LRP1B: variants seen among roughly 807,000 people sequenced by gnomAD.
LRP1B encodes the protein low-density lipoprotein receptor-related protein 1B.
Under a neutral mutation model 556.6 loss-of-function variants are expected in LRP1B, and 217 were observed. The observed-to-expected ratio is 0.39, with a 90% confidence interval of 0.35 to 0.44. LRP1B has a LOEUF of 0.44. Among genes scored for constraint, LRP1B ranks in the 20% least tolerant of loss-of-function variants. The pLI, the probability that LRP1B is intolerant of heterozygous loss-of-function variation, is 1.00. For synonymous variants in LRP1B, 2,047 were observed against 1,865.8 expected (o/e 1.10, Z -2.50); for missense variants, 5,053 against 5,620.8 (o/e 0.90, Z 3.23).
intron 3 of LRP1B, among the ~76,000 whole-genome samples, chr2:141,334,981 T>G (rs1487583034): frequency 6.6e-6 from 1 of 152,234 alleles, no homozygotes; most frequent in Non-Finnish European, 1.5e-5. Flanking sequence ...CTATCATATC[T>G]TATACTTTTT....
intron 59 of LRP1B, among the ~76,000 whole-genome samples, chr2:140,483,640 ATT>A (rs1178469364): frequency 0.086 from 6,028 of 70,072 alleles, 198 homozygotes; most frequent in East Asian, 0.24. Context: ...ATATATATAT[ATT>A]TTTTTTTTTT....
intron 3 of LRP1B, among the ~76,000 whole-genome samples, chr2:141,303,056 G>A (rs1451828104): frequency 1.3e-5 from 2 of 151,960 alleles, no homozygotes; most frequent in Non-Finnish European, 2.9e-5. Context: ...GCTTTAACAT[G>A]TTCCATATTC....
Position 140,297,885 on chromosome 2 carries a change from C to G in LRP1B, c.12890G>C (p.Gly4297Ala), listed in dbSNP as rs2105000849. The G allele has an allele frequency of 6.2e-7, 1 of 1,614,006 alleles. No individual in the cohort carries two copies. The highest frequency in any genetic ancestry group is 8.5e-7 in the Non-Finnish European group (1 of 1,179,932). ...GTTTCCAGCAGTCACAATGCAGGTT[C>G]CTCCATTTTGACAAAAATCCTCACA... The part of the protein sequence containing the change: ...TVCEDFCQNG[G>A]TCIVTAGNQP... The change falls in exon 84 of 91, where the codon GGA becomes GCA. Residue 4297 changes from glycine (G) to alanine (A), a missense_variant. Transcript: ENST00000389484.
intron 6 of LRP1B, among the ~76,000 whole-genome samples, chr2:141,226,836 A>C (rs1193006244): frequency 6.6e-6 from 1 of 152,212 alleles, no homozygotes; most frequent in African/African-American, 2.4e-5. Context: ...AGAGAAGCCC[A>C]GCCCTGCTCA....
chr2:140,562,126 A>C (rs1186504914), intron 43 of LRP1B, among the ~76,000 whole-genome samples: 1 of 152,112 alleles, frequency 6.6e-6, no homozygotes, highest in Non-Finnish European at 1.5e-5. Flanking sequence ...AGCTAACACA[A>C]TACCTAGTGG....
chr2:141,445,528 T>C (rs1402689421), intron 3 of LRP1B, among the ~76,000 whole-genome samples: 1 of 152,224 alleles, frequency 6.6e-6, no homozygotes, highest in Admixed American at 6.5e-5. Flanking sequence ...GTGTCAATTT[T>C]AGATCTTTCC....
At chr2:141,573,265 T>G in intron 2 of LRP1B, among the ~76,000 whole-genome samples, 1 of 152,132 alleles carries the variant, frequency 6.6e-6, no homozygotes, top group East Asian at 1.9e-4. Flanking sequence ...CAGTGCAATC[T>G]AATTCAAATT....
intron 84 of LRP1B, among the ~76,000 whole-genome samples, chr2:140,280,597 G>C (rs1479987992): frequency 1.3e-5 from 2 of 151,702 alleles, no homozygotes; most frequent in Admixed American, 1.3e-4. Context: ...TGCATGATGG[G>C]ACACTAGCTC....
chr2:141,290,459 C>G (rs914859768), intron 3 of LRP1B, among the ~76,000 whole-genome samples: 9 of 152,004 alleles, frequency 5.9e-5, no homozygotes, highest in Non-Finnish European at 8.8e-5. Flanking sequence ...TGTTCCCTGA[C>G]TTTATTCAAT....
At chr2:140,271,997 T>C (rs1413149867) in intron 85 of LRP1B, among the ~76,000 whole-genome samples, 1 of 151,934 alleles carries the variant, frequency 6.6e-6, no homozygotes, top group Non-Finnish European at 1.5e-5. Flanking sequence ...GATAACTGTT[T>C]ATCAAATCTC....
intron 7 of LRP1B, among the ~76,000 whole-genome samples, chr2:141,157,274 C>G (rs964631686): frequency 6.6e-5 from 10 of 152,022 alleles, no homozygotes; most frequent in African/African-American, 2.2e-4. Context: ...AACATATGAA[C>G]AGGTTTTTCT....
intron 2 of LRP1B, among the ~76,000 whole-genome samples, chr2:141,686,610 G>GA (rs1475640541): frequency 6.6e-6 from 1 of 151,890 alleles, no homozygotes; most frequent in African/African-American, 2.4e-5. Context: ...AATCTGGAGG[G>GA]AAAAGAACTT....
rs560021054 is a variant in LRP1B at position 140,989,822 on chromosome 2, CTT to C, written c.2645-167_2645-166del. Among the ~76,000 whole-genome samples the C allele has an allele frequency of 2.6e-5, 4 of 152,208 alleles. No homozygotes were observed. In the South Asian group the frequency reaches 8.3e-4, roughly 32 times the overall value. On this transcript the variant is annotated intron_variant, in intron 16 of 90. Transcript: ENST00000389484. Reference sequence around the variant, plus strand: ...ATTTAATAGCAAATACTAATATTCACTTTGTTAAAATGTAATGCTTTTATAAA... The same window carrying C: ...ATTTAATAGCAAATACTAATATTCACTGTTAAAATGTAATGCTTTTATAAA...
intron 3 of LRP1B, among the ~76,000 whole-genome samples, chr2:141,284,904 C>G (rs1685647071): frequency 6.6e-6 from 1 of 152,238 alleles, no homozygotes; most frequent in Non-Finnish European, 1.5e-5. Flanking sequence ...TTATCCGGCT[C>G]TATCCTTTTT....
chr2:140,412,562 C>A (rs1685009056), intron 66 of LRP1B, among the ~76,000 whole-genome samples: 1 of 151,942 alleles, frequency 6.6e-6, no homozygotes, highest in Non-Finnish European at 1.5e-5. Context: ...AGATTGTATT[C>A]AGGAAGGGAA....
chr2:141,365,885 G>A (rs1689016439), intron 3 of LRP1B, among the ~76,000 whole-genome samples: 1 of 151,982 alleles, frequency 6.6e-6, no homozygotes, highest in South Asian at 2.1e-4. Flanking sequence ...GTGTTAGCCA[G>A]GATGGTCTTG....
intron 77 of LRP1B, among the ~76,000 whole-genome samples, chr2:140,341,538 A>C (rs2105096934): frequency 6.6e-6 from 1 of 151,624 alleles, no homozygotes; most frequent in South Asian, 2.1e-4. Flanking sequence ...TAATAATATA[A>C]GTAGTGTCTT....
chr2:140,237,008 A>T (rs1488785893), intron 89 of LRP1B, among the ~76,000 whole-genome samples: 2 of 150,936 alleles, frequency 1.3e-5, no homozygotes, highest in East Asian at 3.9e-4. Context: ...ATACATAGTT[A>T]TTTTTTTGTG....
chr2:141,984,325 A>T (rs1553497616), intron 1 of LRP1B, among the ~76,000 whole-genome samples: 1 of 151,692 alleles, frequency 6.6e-6, no homozygotes, highest in Non-Finnish European at 1.5e-5. Context: ...AATTTGGGAA[A>T]GGGGGAAAAA....
Sources: allele counts gnomAD v4.1 joint callset (sites outside exome capture counted in the v4.1 genomes callset), GRCh38; gene constraint gnomAD v4.1.1; transcripts MANE v1.5; gene names NCBI Gene and HGNC (gene_info 2026-07-23, HGNC 2026-07-21).